IGF1R: variants seen among roughly 807,000 people sequenced by gnomAD.
IGF1R encodes the protein insulin like growth factor 1 receptor.
In IGF1R, 44 loss-of-function variants were observed where a neutral mutation model predicts 144.6. The observed-to-expected ratio is 0.30, with a 90% CI of 0.24 to 0.39. The LOEUF (loss-of-function observed/expected upper bound fraction) is 0.39. IGF1R is among the 10% of genes least tolerant of loss of function. The probability of loss-of-function intolerance (pLI) is 1.00; values close to 1 mark genes in which losing one functional copy is unlikely to be tolerated. For synonymous variants in IGF1R, 795 were observed against 722.8 expected, an observed-to-expected ratio of 1.10 and a Z score of -1.60; for missense variants, 1,355 against 1,833.7, an observed-to-expected ratio of 0.74 and a Z score of 4.77.
chr15:98,691,310 C>G (rs189223575), intron 1 of IGF1R, among the ~76,000 whole-genome samples: 8 of 151,904 alleles, frequency 5.3e-5, no homozygotes, highest in Non-Finnish European at 8.8e-5. Flanking sequence ...TCGAGGGACA[C>G]TGGCCAGGTT....
At chr15:98,668,044 G>A (rs1482427830) in intron 1 of IGF1R, among the ~76,000 whole-genome samples, 1 of 152,152 alleles carries the variant, frequency 6.6e-6, no homozygotes, top group East Asian at 1.9e-4. Context: ...TCTGGAGGCT[G>A]GAAGTCTGAG....
intron 10 of IGF1R, among the ~76,000 whole-genome samples, chr15:98,918,011 T>A (rs753954118): frequency 4.6e-5 from 7 of 152,212 alleles, no homozygotes; most frequent in Non-Finnish European, 1.0e-4. Context: ...ATATATTTTG[T>A]TTTGTTTTAA....
At chr15:98,650,935 T>C in intron 1 of IGF1R, 2 of 985,180 alleles carry the variant, frequency 2.0e-6, no homozygotes, top group Non-Finnish European at 2.4e-6. Flanking sequence ...CCCCCCGGTG[T>C]CTACGGCCGG....
chr15:98,846,916 G>A (rs2011349638), intron 2 of IGF1R, among the ~76,000 whole-genome samples: 1 of 152,178 alleles, frequency 6.6e-6, no homozygotes, highest in Non-Finnish European at 1.5e-5. Context: ...CTTGACCCGG[G>A]AATATAGTGT....
Position 98,899,506 on chromosome 15 carries a change from A to T in IGF1R, c.1132A>T (p.Met378Leu). The change falls in exon 5 of 21, where the codon ATG (methionine) becomes TTG (leucine). Residue 378 changes from methionine (M) to leucine (L), a missense_variant. Physicochemically the swap from Met to Leu is conservative, Grantham distance 15. Coordinates refer to ENST00000650285, the MANE Select transcript of IGF1R (RefSeq NM_000875.5). ...CATTGCTTCAGAGCTGGAGAACTTC[A>T]TGGGGCTCATCGAGGTGGTGACGGG... ...NNIASELENF[M>L]GLIEVVTGYV... The T allele has an allele frequency of 6.2e-7, 1 of 1,614,156 alleles. No homozygotes were observed. The highest frequency in any genetic ancestry group is 8.5e-7 in the Non-Finnish European group (1 of 1,179,988).
At chr15:98,896,716 CAATT>C in intron 3 of IGF1R, 37 bp from the exon 4 acceptor site, 1 of 1,598,490 alleles carries the variant, frequency 6.3e-7, no homozygotes, top group Non-Finnish European at 8.6e-7. Context: ...AAGACAGACT[CAATT>C]ATGTGTGTTT....
Position 98,737,368 on chromosome 15 carries a change from A to G in IGF1R, c.640+29261A>G, listed in dbSNP as rs201584580. On this transcript the variant is annotated intron_variant, in intron 2 of 20. Transcript: ENST00000650285. ...CTCATTGTCTTTCAATGTGGAGATT[A>G]GGAACCGAGCGAGGATTTGGAACCC... Among the ~76,000 whole-genome samples the G allele has an allele frequency of 1.0e-3, 153 of 152,250 alleles. 1 individual carries two copies. Among genetic ancestry groups the G allele is most frequent in the African/African-American group, 3.6e-3 (150 of 41,532 alleles).
intron 2 of IGF1R, among the ~76,000 whole-genome samples, chr15:98,720,057 T>C (rs2054211512): frequency 1.3e-5 from 2 of 152,224 alleles, no homozygotes; most frequent in Non-Finnish European, 2.9e-5. Flanking sequence ...AGCTTGGTTA[T>C]ACATAGTGCA....
chr15:98,956,053 A>G (rs1199303256), intron 20 of IGF1R, among the ~76,000 whole-genome samples: 1 of 152,192 alleles, frequency 6.6e-6, no homozygotes, highest in Non-Finnish European at 1.5e-5. Context: ...TTTTGCCCCA[A>G]AAGTCTGTTT....
At chr15:98,804,414 T>G (rs977731068) in intron 2 of IGF1R, among the ~76,000 whole-genome samples, 1 of 152,194 alleles carries the variant, frequency 6.6e-6, no homozygotes, top group Non-Finnish European at 1.5e-5. Context: ...GCAAGGAATT[T>G]AGGAGGCACA....
chr15:98,662,637 G>A (rs1428410216), intron 1 of IGF1R, among the ~76,000 whole-genome samples: 1 of 152,134 alleles, frequency 6.6e-6, no homozygotes, highest in Non-Finnish European at 1.5e-5. Context: ...AGTAACAGAT[G>A]CTATGAGTTT....
intron 2 of IGF1R, among the ~76,000 whole-genome samples, chr15:98,864,753 A>G (rs1424652069): frequency 6.6e-6 from 1 of 152,186 alleles, no homozygotes. Flanking sequence ...ATTTTACTCT[A>G]TGTGGTCTTT....
intron 1 of IGF1R, among the ~76,000 whole-genome samples, chr15:98,674,470 G>A (rs888080995): frequency 2.0e-5 from 3 of 152,062 alleles, no homozygotes; most frequent in Non-Finnish European, 4.4e-5. Flanking sequence ...CTTTATATGA[G>A]GTCTACAGAG....
chr15:98,683,706 G>A (rs754570922), intron 1 of IGF1R, among the ~76,000 whole-genome samples: 4 of 152,186 alleles, frequency 2.6e-5, no homozygotes, highest in Admixed American at 6.5e-5. Context: ...GTCACAGTTG[G>A]ATGGCAAGGT....
intron 3 of IGF1R, among the ~76,000 whole-genome samples, chr15:98,893,035 G>A (rs1328860862): frequency 6.6e-6 from 1 of 152,178 alleles, no homozygotes; most frequent in Admixed American, 6.5e-5. Flanking sequence ...TTTTAGGAAA[G>A]TTCTGTTTTA....
At chr15:98,820,540 T>C (rs2056782615) in intron 2 of IGF1R, among the ~76,000 whole-genome samples, 1 of 152,234 alleles carries the variant, frequency 6.6e-6, no homozygotes, top group African/African-American at 2.4e-5. Context: ...GTTTTTCATC[T>C]AAGGTAATTG....
intron 1 of IGF1R, among the ~76,000 whole-genome samples, chr15:98,655,417 C>A (rs931950355): frequency 2.0e-5 from 3 of 152,048 alleles, no homozygotes; most frequent in African/African-American, 7.2e-5. Context: ...TCCACTGATG[C>A]CGGCTTTACT....
chr15:98,871,373 A>G (rs1187520841), intron 2 of IGF1R, among the ~76,000 whole-genome samples: 1 of 152,140 alleles, frequency 6.6e-6, no homozygotes, highest in Non-Finnish European at 1.5e-5. Context: ...ACTCACCTCC[A>G]TCTCAGCCCA....
intron 2 of IGF1R, among the ~76,000 whole-genome samples, chr15:98,799,218 C>A (rs900948778): frequency 6.6e-6 from 1 of 152,134 alleles, no homozygotes; most frequent in African/African-American, 2.4e-5. Context: ...GTGCCTCCCC[C>A]TTTCGTGAGC....
Sources: gnomAD v4.1 joint callset for allele counts (sites outside exome capture counted in the v4.1 genomes callset) on GRCh38, gnomAD v4.1.1 for gene constraint, MANE v1.5 for transcripts, NCBI Gene and HGNC (gene_info 2026-07-23, HGNC 2026-07-21) for gene names.